Variants in MACROD2 observed in about 807,000 individuals in gnomAD.
MACROD2 encodes the protein ADP-ribose glycohydrolase MACROD2.
In MACROD2, 36 loss-of-function variants were observed where a neutral mutation model predicts 70.4. The ratio of observed to expected loss-of-function variants is 0.51; its 90% CI spans 0.39 to 0.68. MACROD2 has a LOEUF of 0.68. MACROD2 is among the 30% of genes least tolerant of loss of function. The probability of loss-of-function intolerance (pLI) is 0.00; values close to 1 mark genes in which losing one functional copy is unlikely to be tolerated. For synonymous variants in MACROD2, 172 were observed against 178.8 expected, an observed-to-expected ratio of 0.96 and a Z score of 0.30; for missense variants, 496 against 538.4, an observed-to-expected ratio of 0.92 and a Z score of 0.78.
intron 5 of MACROD2, among the ~76,000 whole-genome samples, chr20:14,913,590 G>A (rs992248253): frequency 6.6e-6 from 1 of 152,118 alleles, no homozygotes; most frequent in African/African-American, 2.4e-5. Flanking sequence ...ATGAGGCTGA[G>A]GCAAGAGGAT....
chr20:15,545,143 G>A (rs1007405856), intron 8 of MACROD2, among the ~76,000 whole-genome samples: 26 of 152,312 alleles, frequency 1.7e-4, no homozygotes, highest in East Asian at 1.9e-4. Flanking sequence ...TGATTTCTCC[G>A]TGGAGGAAAT....
intron 4 of MACROD2, among the ~76,000 whole-genome samples, chr20:14,616,564 G>A (rs1983492734): frequency 6.6e-6 from 1 of 152,140 alleles, no homozygotes; most frequent in Non-Finnish European, 1.5e-5. Context: ...TTGAGGGCCA[G>A]TATTTTCAGG....
intron 3 of MACROD2, among the ~76,000 whole-genome samples, chr20:14,344,091 C>A (rs1031597614): frequency 6.6e-6 from 1 of 152,106 alleles, no homozygotes; most frequent in Non-Finnish European, 1.5e-5. Context: ...GCAGTCTAGA[C>A]TACTTGGGTA....
intron 3 of MACROD2, among the ~76,000 whole-genome samples, chr20:14,220,761 T>C (rs1426272669): frequency 6.6e-6 from 1 of 152,108 alleles, no homozygotes; most frequent in East Asian, 1.9e-4. Flanking sequence ...CCAGGTAAAG[T>C]TGGAAACTTC....
At chr20:15,683,204 C>G (rs1250256620) in intron 8 of MACROD2, among the ~76,000 whole-genome samples, 3 of 152,264 alleles carry the variant, frequency 2.0e-5, no homozygotes, top group East Asian at 1.9e-4. Flanking sequence ...GTTTCTCTGC[C>G]AGAGTTGCAG....
chr20:15,415,155 T>C (rs575877118), intron 6 of MACROD2, among the ~76,000 whole-genome samples: 5 of 152,266 alleles, frequency 3.3e-5, no homozygotes, highest in Admixed American at 3.3e-4. Context: ...TGAAACAAAG[T>C]TTAAAGTGAT....
intron 5 of MACROD2, among the ~76,000 whole-genome samples, chr20:14,725,754 G>C (rs961194019): frequency 6.6e-6 from 1 of 152,204 alleles, no homozygotes; most frequent in Non-Finnish European, 1.5e-5. Flanking sequence ...AGCCGCCCCA[G>C]AGGGTGAGGA....
chr20:15,123,873 C>T (rs1258482617), intron 5 of MACROD2, among the ~76,000 whole-genome samples: 1 of 152,184 alleles, frequency 6.6e-6, no homozygotes, highest in Non-Finnish European at 1.5e-5. Flanking sequence ...TGTGTGTGCA[C>T]TGGCACTCAC....
intron 8 of MACROD2, among the ~76,000 whole-genome samples, chr20:15,661,671 A>G (rs2146817374): frequency 6.6e-6 from 1 of 152,312 alleles, no homozygotes; most frequent in East Asian, 1.9e-4. Flanking sequence ...CTATAGCACC[A>G]GGGATGCTTC....
chr20:14,514,235 A>G (rs1338940566), intron 4 of MACROD2, among the ~76,000 whole-genome samples: 3 of 152,090 alleles, frequency 2.0e-5, no homozygotes. Context: ...GCATCCCATA[A>G]ATAAAAGAGA....
At chr20:14,235,017 G>GA (rs1359458031) in intron 3 of MACROD2, among the ~76,000 whole-genome samples, 2 of 151,842 alleles carry the variant, frequency 1.3e-5, no homozygotes, top group East Asian at 1.9e-4. Flanking sequence ...TTTTTAATGT[G>GA]AAAAAAAGAG....
intron 2 of MACROD2, among the ~76,000 whole-genome samples, chr20:14,085,057 C>T (rs1234441643): frequency 3.4e-5 from 1 of 29,766 alleles, no homozygotes; most frequent in African/African-American, 1.3e-4. Context: ...GAGAGGTGGG[C>T]GGGGCTGAGG....
intron 5 of MACROD2, among the ~76,000 whole-genome samples, chr20:15,121,347 A>G (rs1163870604): frequency 6.6e-6 from 1 of 151,968 alleles, no homozygotes; most frequent in Non-Finnish European, 1.5e-5. Context: ...CCCTGTCGCT[A>G]CAAAAAAATA....
rs575323041 is a variant in MACROD2 at position 15,120,520 on chromosome 20, A to C, written c.419-109420A>C. On this transcript the variant is annotated intron_variant, in intron 5 of 17. Coordinates refer to ENST00000684519, the MANE Select transcript of MACROD2 (RefSeq NM_001351661.2). ...CAGCCATCATGAATTATCTTGTGTG[A>C]TGTGCAATATTTGTTAAGGTGTGCT... 2.0e-5 allele frequency among the ~76,000 whole-genome samples: 3 copies of C among 152,272 alleles called. No homozygotes were observed. The South Asian group carries it at 6.2e-4, about 32-fold the overall frequency.
intron 3 of MACROD2, chr20:14,327,315 G>A (rs749677217): frequency 6.2e-7 from 1 of 1,613,780 alleles, no homozygotes; most frequent in Non-Finnish European, 8.5e-7. Flanking sequence ...TGTTCTGAAG[G>A]TAGAGAGTTG....
intron 10 of MACROD2, among the ~76,000 whole-genome samples, chr20:15,916,156 A>T (rs993614222): frequency 6.6e-6 from 1 of 151,944 alleles, no homozygotes; most frequent in African/African-American, 2.4e-5. Flanking sequence ...GTCCTCATAT[A>T]CCCCCTACCC....
intron 6 of MACROD2, among the ~76,000 whole-genome samples, chr20:15,399,218 A>G (rs1310328057): frequency 6.6e-6 from 1 of 152,170 alleles, no homozygotes; most frequent in Admixed American, 6.5e-5. Context: ...ACAGTTCCTA[A>G]TAGAATACAG....
chr20:14,225,455 G>A (rs2081723896), intron 3 of MACROD2, among the ~76,000 whole-genome samples: 1 of 152,078 alleles, frequency 6.6e-6, no homozygotes, highest in African/African-American at 2.4e-5. Flanking sequence ...CTTTGAAAAA[G>A]TATATTCATT....
chr20:14,546,063 GTAA>G (rs1447289001), intron 4 of MACROD2, among the ~76,000 whole-genome samples: 1 of 152,104 alleles, frequency 6.6e-6, no homozygotes, highest in African/African-American at 2.4e-5. Flanking sequence ...AATTATTAAG[GTAA>G]TAATACATTA....
Sources: allele counts gnomAD v4.1 joint callset (sites outside exome capture counted in the v4.1 genomes callset), GRCh38; gene constraint gnomAD v4.1.1; transcripts MANE v1.5; gene names NCBI Gene and HGNC (gene_info 2026-07-23, HGNC 2026-07-21).